The following R3HDM4 variants were observed in gnomAD, a reference collection of about 807,000 sequenced individuals.
The protein encoded by R3HDM4 is R3H domain containing 4.
R3HDM4 carries 30 observed loss-of-function variants against 31.3 expected under a neutral mutation model. The ratio of observed to expected loss-of-function variants is 0.96; its 90% CI spans 0.72 to 1.30. The LOEUF is 1.30. R3HDM4 is among the 50% of genes most tolerant of loss of function. R3HDM4 has a pLI of 0.00. For synonymous variants in R3HDM4, 196 were observed against 156.6 expected, an observed-to-expected ratio of 1.25 and a Z score of -1.88; for missense variants, 444 against 366.1, an observed-to-expected ratio of 1.21 and a Z score of -1.74.
chr19:912,352 TGGGGGGCGGGCCCGGGAGTG>T (rs1287405675), intron 1 of R3HDM4, among the ~76,000 whole-genome samples: 3 of 1,558 alleles, frequency 1.9e-3, no homozygotes, highest in African/African-American at 9.0e-3. Context: ...ACAGAGGAGT[TGGGGGGCGGGCCCGGGAGTG>T]GGGGCGCGGA....
At chr19:908,375 G>A (rs2036931821) in intron 1 of R3HDM4, among the ~76,000 whole-genome samples, 1 of 152,080 alleles carries the variant, frequency 6.6e-6, no homozygotes, top group African/African-American at 2.4e-5. Flanking sequence ...GGGAGGCTGA[G>A]GCAGGTGGAT....
At chr19:903,675 A>G (rs1048702204) in intron 1 of R3HDM4, among the ~76,000 whole-genome samples, 6 of 152,148 alleles carry the variant, frequency 3.9e-5, no homozygotes, top group African/African-American at 1.4e-4. Context: ...GGATCCCTTG[A>G]GCCTGGGGAG....
chr19:911,345 G>A (rs1003972125), intron 1 of R3HDM4, among the ~76,000 whole-genome samples: 4 of 152,184 alleles, frequency 2.6e-5, no homozygotes, highest in East Asian at 1.9e-4. Context: ...TGGGGAGGCT[G>A]CCGCAGGAGA....
rs1048752648 is a variant in R3HDM4 at position 903,233 on chromosome 19, C to T, written c.72-1103G>A. Among the ~76,000 whole-genome samples, 32 of 150,202 alleles carry T rather than the reference C, an allele frequency of 2.1e-4. 1 individual carries two copies. Among genetic ancestry groups the T allele is most frequent in the Middle Eastern group, 6.9e-3 (2 of 290 alleles). ...AAGCTCAAGGTGATGCCTCAGCCCC[C>T]CCCGCAAACCCCCCCCTTAATGTCC... On this transcript the variant is annotated intron_variant, in intron 1 of 7. Coordinates refer to ENST00000361574, the MANE Select transcript of R3HDM4 (RefSeq NM_138774.4).
chr19:911,523 G>T (rs947871497), intron 1 of R3HDM4, among the ~76,000 whole-genome samples: 3 of 152,216 alleles, frequency 2.0e-5, no homozygotes, highest in Non-Finnish European at 4.4e-5. Flanking sequence ...CTGTTTGCTG[G>T]GCCCGCCGCA....
At chr19:902,240 A>C in intron 1 of R3HDM4, 110 bp from the exon 2 acceptor site, 1 of 1,234,568 alleles carries the variant, frequency 8.1e-7, no homozygotes, top group Non-Finnish European at 1.1e-6. Context: ...TGGAGAGCTC[A>C]CCCCTACGGT....
rs148275850 is a variant in R3HDM4 at position 911,531 on chromosome 19, G to A, written c.71+1556C>T. Among the ~76,000 whole-genome samples the A allele has an allele frequency of 1.7e-3, 263 of 152,360 alleles. 1 individual carries two copies. Among genetic ancestry groups the A allele is most frequent in the Middle Eastern group, 3.4e-3 (1 of 294 alleles). On this transcript the variant is annotated intron_variant, in intron 1 of 7. Coordinates refer to ENST00000361574, the MANE Select transcript of R3HDM4 (RefSeq NM_138774.4). Reference sequence around the variant, plus strand: ...GACACTCCTGTTTGCTGGGCCCGCCGCAGTGCCAGCTCGGTAACCCCCACC... The same window carrying A: ...GACACTCCTGTTTGCTGGGCCCGCCACAGTGCCAGCTCGGTAACCCCCACC...
rs1278803034 is a variant in R3HDM4 at position 913,049 on chromosome 19, C to CG, written c.71+37_71+38insC. ...ATCTCAGGGGAGGGAGCCCAGCCCG[C>CG]CCCCGGCGCCCGCCGCGCCCCGCCC... is the stretch of plus-strand genomic sequence containing the variant. On this transcript the variant is annotated intron_variant, in intron 1 of 7. Transcript: ENST00000361574. This position sits in a 1 kb window ranked among gnomAD's most constrained non-coding sequence, Gnocchi z 5.0. 4 of 875,832 alleles carry CG rather than the reference C, an allele frequency of 4.6e-6. No individual in the cohort carries two copies. The highest frequency in any genetic ancestry group is 5.0e-5 in the South Asian group (1 of 19,808). 54.3% of individuals were successfully genotyped at this position (875,832 alleles called of 1,614,324 possible). A position where few individuals can be genotyped will look rare whatever the true frequency, so the allele number is the denominator to read the frequency against.
chr19:898,398 T>G (rs1599355444), intron 7 of R3HDM4, among the ~76,000 whole-genome samples: 4 of 71,912 alleles, frequency 5.6e-5, no homozygotes, highest in Admixed American at 1.3e-4. Flanking sequence ...GAGCGAGACT[T>G]GGTCTCAAAA....
Position 899,781 on chromosome 19 carries a change from C to T in R3HDM4, c.562-95G>A, listed in dbSNP as rs1373912968. The T allele has an allele frequency of 2.0e-6, 2 of 1,024,878 alleles. No homozygotes were observed. Among genetic ancestry groups the T allele is most frequent in the African/African-American group, 1.6e-5 (1 of 61,770 alleles). 63.5% of individuals were successfully genotyped at this position (1,024,878 alleles called of 1,614,324 possible). A position where few individuals can be genotyped will look rare whatever the true frequency, so the allele number is the denominator to read the frequency against. On this transcript the variant is annotated intron_variant, in intron 5 of 7. Transcript: ENST00000361574. This position sits in a 1 kb window ranked among gnomAD's most constrained non-coding sequence, Gnocchi z 6.8. ...CCCCAGGAGCCCACAGCGCTGGGCT[C>T]AAACATGACCTCTGACCCACCACGT...
At chr19:906,734 C>T (rs1217644420) in intron 1 of R3HDM4, among the ~76,000 whole-genome samples, 1 of 152,180 alleles carries the variant, frequency 6.6e-6, no homozygotes, top group Non-Finnish European at 1.5e-5. Context: ...ACATTGGGCT[C>T]ATTTCCTGTC....
At position 899,360 on chromosome 19, in the gene R3HDM4, G is replaced by T; in HGVS notation, c.703+80C>A. 6.9e-7 allele frequency: 1 copy of T among 1,455,194 alleles called. No individual in the cohort carries two copies. The allele number at this position is 1,455,194 out of a possible 1,614,324, so 90.1% of individuals were successfully genotyped here. ...ACCTCCCCACCAAGCCCCACTCTGA[G>T]GAACCAGGCCCCTGGGACCCTGGCC... On this transcript the variant is annotated intron_variant, in intron 7 of 7. Coordinates refer to ENST00000361574, the MANE Select transcript of R3HDM4 (RefSeq NM_138774.4). This position sits in a 1 kb window ranked among gnomAD's most constrained non-coding sequence, Gnocchi z 6.8.
At chr19:910,526 G>A in intron 1 of R3HDM4, among the ~76,000 whole-genome samples, 1 of 152,006 alleles carries the variant, frequency 6.6e-6, no homozygotes. Flanking sequence ...CAACACTTTG[G>A]GAGGCCGAGG....
chr19:906,417 A>T (rs2036906605), intron 1 of R3HDM4, among the ~76,000 whole-genome samples: 1 of 151,908 alleles, frequency 6.6e-6, no homozygotes, highest in Non-Finnish European at 1.5e-5. Flanking sequence ...GATGGGGTTT[A>T]CCGTGTCAGC....
rs373665929 is a variant in R3HDM4, at chr19:902,003, G to A, written c.199C>T (p.Arg67Trp). ...NSDLVPKAKG[R>W]KSLQRLENTQ... ...TTCTCCAGGCGCTGGAGGCTCTTCC[G>A]CCCCTTGGCCTTGGGCACGAGGTCT... The change falls in exon 2 of 8, where the codon CGG becomes TGG. Residue 67 changes from arginine (R) to tryptophan (W), a missense_variant. Arg to Trp is a moderately radical substitution (Grantham distance 101). Coordinates refer to ENST00000361574, the MANE Select transcript of R3HDM4 (RefSeq NM_138774.4). 2.0e-5 allele frequency: 33 copies of A among 1,613,654 alleles called. No individual in the cohort carries two copies. Among genetic ancestry groups the A allele is most frequent in the Non-Finnish European group, 2.7e-5 (32 of 1,180,004 alleles).
chr19:899,117 C>G lies in R3HDM4; in HGVS notation c.703+323G>C, dbSNP rs1345563616. 1.3e-5 allele frequency among the ~76,000 whole-genome samples: 2 copies of G among 152,166 alleles called. No individual in the cohort carries two copies. Among genetic ancestry groups the G allele is most frequent in the African/African-American group, 4.8e-5 (2 of 41,434 alleles). On this transcript the variant is annotated intron_variant, in intron 7 of 7. Coordinates refer to ENST00000361574, the MANE Select transcript of R3HDM4 (RefSeq NM_138774.4). The surrounding 1 kb of genome is among the most constrained non-coding windows in gnomAD (Gnocchi z 6.8). ...CCTTCCAGACACTGCGTCCCCCCAT[C>G]TTATCTCTGGCTCTGGGAGGTCCCT... is the stretch of plus-strand genomic sequence containing the variant.
intron 1 of R3HDM4, 134 bp downstream of exon 1, chr19:912,953 C>G (rs1446035735): frequency 4.3e-6 from 1 of 233,628 alleles, no homozygotes. Flanking sequence ...GGAAGATGAG[C>G]AACGGGAGCG....
Position 906,576 on chromosome 19 carries a change from AG to A in R3HDM4, c.72-4447del, listed in dbSNP as rs376827358. 1.4e-3 allele frequency among the ~76,000 whole-genome samples: 215 copies of A among 152,086 alleles called. 1 individual carries two copies. The highest frequency in any genetic ancestry group is 4.9e-3 in the African/African-American group (204 of 41,502). ...AAAAGTGGGAACAAGTTGGTTTGGG[AG>A]GGGTACTCAGAGCCAAAAGGGCCTG... is the stretch of plus-strand genomic sequence containing the variant. On this transcript the variant is annotated intron_variant, in intron 1 of 7. Coordinates refer to ENST00000361574, the MANE Select transcript of R3HDM4 (RefSeq NM_138774.4).
intron 1 of R3HDM4, among the ~76,000 whole-genome samples, chr19:909,294 A>G (rs1342844370): frequency 6.6e-6 from 1 of 152,204 alleles, no homozygotes. Context: ...CACTAGAGAC[A>G]GCAAGAGAGG....
Sources: allele counts gnomAD v4.1 joint callset (sites outside exome capture counted in the v4.1 genomes callset), GRCh38; gene constraint gnomAD v4.1.1; non-coding constraint Gnocchi (gnomAD v3.1); transcripts MANE v1.5; gene names NCBI Gene and HGNC (gene_info 2026-07-23, HGNC 2026-07-21).